CLK2: variants seen among roughly 807,000 people sequenced by gnomAD.
CLK2 encodes the protein dual specificity protein kinase CLK2.
Under a neutral mutation model 73.5 loss-of-function variants are expected in CLK2, and 12 were observed. The ratio of observed to expected loss-of-function variants is 0.16; its 90% CI spans 0.10 to 0.26. CLK2 has a LOEUF of 0.26. Ranked by LOEUF, CLK2 falls within the 10% of genes least tolerant of loss-of-function variation. The probability of loss-of-function intolerance (pLI) is 1.00; values close to 1 mark genes in which losing one functional copy is unlikely to be tolerated. For missense variants in CLK2, 509 were observed against 688.4 expected (o/e 0.74, Z 2.92); for synonymous variants, 232 against 237.9 (o/e 0.98, Z 0.23).
intron 12 of CLK2, 134 bp from the exon 13 acceptor site, chr1:155,263,534 C>G (rs1235415142): frequency 6.9e-7 from 1 of 1,448,546 alleles, no homozygotes; most frequent in Admixed American, 2.7e-5. Flanking sequence ...ACCACGACCA[C>G]ACCAGGACCA....
In CLK2 at chr1:155,263,750, A is replaced by T. The variant is rs759170129; in HGVS notation, c.1317+200T>A. On this transcript the variant is annotated intron_variant, in intron 12 of 12. Transcript: ENST00000368361. Reference sequence around the variant, plus strand: ...ATTGCTTTGATCTCTGGTTGTCTCAAGGTTAGGCTGTCTAACCTCCTTCCC... The same window carrying T: ...ATTGCTTTGATCTCTGGTTGTCTCATGGTTAGGCTGTCTAACCTCCTTCCC... The T allele has an allele frequency of 1.2e-4, 114 of 984,724 alleles. 1 individual carries two copies. Among genetic ancestry groups the T allele is most frequent in the Non-Finnish European group, 1.3e-4 (111 of 829,432 alleles). The allele number at this position is 984,724 out of a possible 1,614,324, so 61.0% of individuals were successfully genotyped here. A position where few individuals can be genotyped will look rare whatever the true frequency, so the allele number is the denominator to read the frequency against.
chr1:155,263,709 C>G (rs904553054), intron 12 of CLK2: 5 of 985,248 alleles, frequency 5.1e-6, no homozygotes, highest in Non-Finnish European at 6.0e-6. Flanking sequence ...TCTGTCTGAC[C>G]TAAAGAATCC....
Position 155,264,655 on chromosome 1 carries a change from T to C in CLK2, c.1053A>G (p.Glu351=). 6.2e-7 allele frequency: 1 copy of C among 1,614,252 alleles called. No individual in the cohort carries two copies. Among genetic ancestry groups the C allele is most frequent in the Non-Finnish European group, 8.5e-7 (1 of 1,180,044 alleles). ...IVSTRHYRAP[E]VILELGWSQP... ...CTTGCCCTCCCTTACCAAGGATGAC[T>C]TCTGGTGCTCGGTAATGGCGAGTGG... The change falls in exon 9 of 13, where the codon GAA becomes GAG. Residue 351 remains glutamate, a synonymous_variant. Coordinates refer to ENST00000368361, the MANE Select transcript of CLK2 (RefSeq NM_001294338.2).
rs1051177134 is a variant in CLK2, at chr1:155,269,230, G to A, written c.399+258C>T. 10 of 595,710 alleles carry A rather than the reference G, an allele frequency of 1.7e-5. No homozygotes were observed. The Admixed American group carries it at 1.8e-4, about 11-fold the overall frequency. 36.9% of individuals were successfully genotyped at this position (595,710 alleles called of 1,614,324 possible). On this transcript the variant is annotated intron_variant, in intron 3 of 12. Coordinates refer to ENST00000368361, the MANE Select transcript of CLK2 (RefSeq NM_001294338.2). Reference sequence around the variant, plus strand: ...AAAGAGTGGAGGCCGCTGGGGCGGAGAAGCTGCTCCCAACACAATAAGCCC... The same window carrying A: ...AAAGAGTGGAGGCCGCTGGGGCGGAAAAGCTGCTCCCAACACAATAAGCCC...
chr1:155,266,979 C>G, intron 6 of CLK2, 84 bp from the exon 7 acceptor site: 1 of 1,452,822 alleles, frequency 6.9e-7, no homozygotes, highest in Non-Finnish European at 9.4e-7. Flanking sequence ...TACTTCATAG[C>G]TGTTGATTCC....
At chr1:155,270,372 A>G (rs1190208201) in intron 2 of CLK2, among the ~76,000 whole-genome samples, 1 of 152,156 alleles carries the variant, frequency 6.6e-6, no homozygotes, top group African/African-American at 2.4e-5. Context: ...ACTCTGTCTC[A>G]AAAATAAATA....
Position 155,268,849 on chromosome 1 carries a change from A to C in CLK2, c.400-54T>G. ...AGCCAGGTGTCGGAGCGGGGGCCGG[A>C]GGGAGGCGGGGTGGGTGGTAGAGGG... On this transcript the variant is annotated intron_variant, in intron 3 of 12. Coordinates refer to ENST00000368361, the MANE Select transcript of CLK2 (RefSeq NM_001294338.2). This position sits in a 1 kb window ranked among gnomAD's most constrained non-coding sequence, Gnocchi z 5.6. 2 of 231,158 alleles carry C rather than the reference A, an allele frequency of 8.7e-6. No individual in the cohort carries two copies. Among genetic ancestry groups the C allele is most frequent in the Admixed American group, 5.8e-5 (1 of 17,144 alleles). The allele number at this position is 231,158 out of a possible 1,614,324, so 14.3% of individuals were successfully genotyped here.
chr1:155,265,592 A>AATAAATAAATATATAT (rs1553224453), intron 8 of CLK2, among the ~76,000 whole-genome samples: 2 of 149,908 alleles, frequency 1.3e-5, no homozygotes, highest in African/African-American at 4.9e-5. Flanking sequence ...TAAATAAATA[A>AATAAATAAATATATAT]ATAAATAAAT....
intron 8 of CLK2, among the ~76,000 whole-genome samples, chr1:155,265,335 G>A (rs546653624): frequency 6.6e-6 from 1 of 152,250 alleles, no homozygotes; most frequent in Non-Finnish European, 1.5e-5. Context: ...GGGAGCCCGA[G>A]ACAGGCAGAT....
chr1:155,266,699 C>G (rs1057442991), intron 7 of CLK2, 30 bp downstream of exon 7: 2 of 1,602,206 alleles, frequency 1.2e-6, no homozygotes, highest in Non-Finnish European at 1.7e-6. Flanking sequence ...AGGGACTGCC[C>G]CAGAGTCCAC....
At position 155,262,887 on chromosome 1, in the gene CLK2, G is replaced by A. The variant is rs561075685; in HGVS notation, c.*331C>T. On this transcript the variant is annotated 3_prime_UTR_variant, in exon 13 of 13. Coordinates refer to ENST00000368361, the MANE Select transcript of CLK2 (RefSeq NM_001294338.2). ...CAGGGATGGGGGTCAAATGAAGCAC[G>A]TTATTTTATTTCACAAAGACTGTAC... The A allele has an allele frequency of 3.7e-5, 9 of 244,694 alleles. No homozygotes were observed. In the East Asian group the frequency reaches 4.8e-4, roughly 13 times the overall value. 15.2% of individuals were successfully genotyped at this position (244,694 alleles called of 1,614,324 possible). A position where few individuals can be genotyped will look rare whatever the true frequency, so the allele number is the denominator to read the frequency against.
chr1:155,264,035 T>C lies in CLK2; in HGVS notation c.1232A>G (p.Gln411Arg). 6.2e-7 allele frequency: 1 copy of C among 1,613,928 alleles called. No homozygotes were observed. The highest frequency in any genetic ancestry group is 1.3e-5 in the African/African-American group (1 of 75,050). ...CAGGCGACCCCGGTAAAAATATTTC[T>C]GCTTTCTAGAGGGGAAGGGGAGGTT... Reference protein sequence around the residue: ...PSRMIRKTRKQKYFYRGRLDW... With the variant: ...PSRMIRKTRKRKYFYRGRLDW... The change falls in exon 12 of 13, where the codon CAG becomes CGG. Residue 411 changes from glutamine (Q) to arginine (R), a missense_variant. Gln to Arg is a conservative substitution (Grantham distance 43). Around this residue, in one of 6 missense-constraint regions of CLK2, gnomAD observed 134 missense variants for 146.0 expected, o/e 0.92. Transcript: ENST00000368361.
At chr1:155,265,603 A>AAAT (rs1196265802) in intron 8 of CLK2, among the ~76,000 whole-genome samples, 2 of 151,868 alleles carry the variant, frequency 1.3e-5, no homozygotes, top group African/African-American at 4.8e-5. Context: ...ATAAATAAAT[A>AAAT]AAGTCCAAAC....
At position 155,266,722 on chromosome 1, in the gene CLK2, C is replaced by T. The variant is rs370334511; in HGVS notation, c.838+7G>A. 9.3e-6 allele frequency: 15 copies of T among 1,610,288 alleles called. No homozygotes were observed. The highest frequency in any genetic ancestry group is 1.8e-4 in the Middle Eastern group (1 of 5,516). ...CCCCAGAGTCCACTTCGGCCCACCC[C>T]ACTCACACTTGACAGCCTGGCACAG... On this transcript the variant is annotated splice_region_variant and intron_variant, in intron 7 of 12. Coordinates refer to ENST00000368361, the MANE Select transcript of CLK2 (RefSeq NM_001294338.2).
At chr1:155,263,843 C>T in intron 12 of CLK2, 107 bp downstream of exon 12, 2 of 1,381,470 alleles carry the variant, frequency 1.4e-6, no homozygotes, top group Non-Finnish European at 2.0e-6. Context: ...CTTTCCTCCC[C>T]TCCTTTCCTA....
In CLK2 at chr1:155,264,203, T is replaced by C. The variant is rs1417105460; in HGVS notation, c.1226+18A>G. On this transcript the variant is annotated intron_variant, in intron 11 of 12. Coordinates refer to ENST00000368361, the MANE Select transcript of CLK2 (RefSeq NM_001294338.2). ...AGAGAAAAGGAAAAGAGTTAACTAGTGCCCCCTCAAGGTTCACCTTGTCTT... is the reference window on the plus strand; with the variant it reads ...AGAGAAAAGGAAAAGAGTTAACTAGCGCCCCCTCAAGGTTCACCTTGTCTT... 1 of 1,613,322 alleles carries C rather than the reference T, an allele frequency of 6.2e-7. No homozygotes were observed. The highest frequency in any genetic ancestry group is 2.2e-5 in the East Asian group (1 of 44,880).
At chr1:155,263,480 TG>T (rs1557930074) in intron 12 of CLK2, 80 bp from the exon 13 acceptor site, 2 of 1,552,178 alleles carry the variant, frequency 1.3e-6, no homozygotes, top group African/African-American at 2.7e-5. Flanking sequence ...CTTTCATTCT[TG>T]GAGAACCAAG....
In CLK2 at chr1:155,269,703, GATC is replaced by G; in HGVS notation, c.181_183del (p.Asp61del). The G allele has an allele frequency of 1.2e-6, 2 of 1,614,114 alleles. No individual in the cohort carries two copies. Among genetic ancestry groups the G allele is most frequent in the Non-Finnish European group, 1.7e-6 (2 of 1,179,970 alleles). Reference sequence around the variant, plus strand: ...TCATACACCCTCCGGTCGGACGAACGATCATCATAACTGCTGTTGGATAACAAA... The same window carrying G: ...TCATACACCCTCCGGTCGGACGAACGATCATAACTGCTGTTGGATAACAAA... On this transcript the variant is annotated inframe_deletion, in exon 3 of 13. Transcript: ENST00000368361.
At position 155,273,346 on chromosome 1, in the gene CLK2, C is replaced by G. The variant is rs1272263081; in HGVS notation, c.-146G>C. 1 of 152,318 alleles carries G rather than the reference C, an allele frequency of 6.6e-6. No individual in the cohort carries two copies. The highest frequency in any genetic ancestry group is 1.5e-5 in the Non-Finnish European group (1 of 68,116). 9.4% of individuals were successfully genotyped at this position (152,318 alleles called of 1,614,324 possible). A position where few individuals can be genotyped will look rare whatever the true frequency, so the allele number is the denominator to read the frequency against. On this transcript the variant is annotated 5_prime_UTR_variant, in exon 1 of 13. Coordinates refer to ENST00000368361, the MANE Select transcript of CLK2 (RefSeq NM_001294338.2). ...ACCCTGGGACCTCCCGCCCCGTTCC[C>G]GGGCTCCGCTTCAGTCCCGCCCGCC...
Sources: allele counts gnomAD v4.1 joint callset (sites outside exome capture counted in the v4.1 genomes callset), GRCh38; gene constraint gnomAD v4.1.1; regional missense constraint gnomAD v4.1.1; non-coding constraint Gnocchi (gnomAD v3.1); transcripts MANE v1.5; gene names NCBI Gene and HGNC (gene_info 2026-07-23, HGNC 2026-07-21).